Variants in TAT observed in about 807,000 individuals in gnomAD.
TAT encodes L-tyrosine:2-oxoglutarate aminotransferase.
A neutral mutation model predicts 53.6 loss-of-function variants in TAT; 35 were observed. The ratio of observed to expected loss-of-function variants is 0.65; its 90% CI spans 0.50 to 0.87. TAT has a LOEUF of 0.87. Ranked by LOEUF, TAT falls within the 40% of genes least tolerant of loss-of-function variation. The pLI, the probability that TAT is intolerant of heterozygous loss-of-function variation, is 0.00. For missense variants in TAT, 525 were observed against 571.8 expected (o/e 0.92, Z 0.83); for synonymous variants, 197 against 206.5 (o/e 0.95, Z 0.39).
Position 71,570,481 on chromosome 16 carries a change from A to G in TAT, c.913-84T>C, listed in dbSNP as rs1049674744. 5 of 1,611,106 alleles carry G rather than the reference A, an allele frequency of 3.1e-6. No homozygotes were observed. The African/African-American group carries it at 6.7e-5, about 22-fold the overall frequency. ...AGTTTCTTGTTCTGACCTTTCTATC[A>G]GGTTTTTAATCTTGGAAAGTGATGG... On this transcript the variant is annotated intron_variant, in intron 8 of 11. Coordinates refer to ENST00000355962, the MANE Select transcript of TAT (RefSeq NM_000353.3).
At chr16:71,568,391 G>T in intron 11 of TAT, 107 bp from the exon 12 acceptor site, 1 of 1,120,442 alleles carries the variant, frequency 8.9e-7, no homozygotes, top group Non-Finnish European at 1.3e-6. Flanking sequence ...TTTCATCAGG[G>T]CCATCAGTTC....
At chr16:71,569,304 T>C (rs1182325011) in intron 10 of TAT, among the ~76,000 whole-genome samples, 2 of 152,184 alleles carry the variant, frequency 1.3e-5, no homozygotes, top group East Asian at 3.8e-4. Context: ...TATCTACATA[T>C]ATAAAATGAT....
At chr16:71,572,842 A>T (rs1248612840) in intron 4 of TAT, among the ~76,000 whole-genome samples, 154 bp from the exon 5 acceptor site, 1 of 152,288 alleles carries the variant, frequency 6.6e-6, no homozygotes, top group East Asian at 1.9e-4. Context: ...AAAGAAATTT[A>T]TATATGTTGA....
At position 71,568,062 on chromosome 16, in the gene TAT, G is replaced by A; in HGVS notation, c.*82C>T. 1.3e-6 allele frequency: 2 copies of A among 1,576,602 alleles called. No homozygotes were observed. The highest frequency in any genetic ancestry group is 1.3e-5 in the African/African-American group (1 of 74,294). On this transcript the variant is annotated 3_prime_UTR_variant, in exon 12 of 12. Transcript: ENST00000355962. ...CATTTGAGGCCCCTCTCCCAGTAGG[G>A]CCACCTGAGTCCCTGAGGAGCCGCA...
Position 71,573,564 on chromosome 16 carries a change from C to T in TAT, c.383G>A (p.Cys128Tyr). Reference sequence around the variant, plus strand: ...CTTAGCTTCTAGGGGTGCCTCAGGACAGTGGTAATAAGAAGCAATCTCCTC... The same window carrying T: ...CTTAGCTTCTAGGGGTGCCTCAGGATAGTGGTAATAAGAAGCAATCTCCTC... Reference protein sequence around the residue: ...SREEIASYYHCPEAPLEAKDV... With the variant: ...SREEIASYYHYPEAPLEAKDV... The change falls in exon 4 of 12, where the codon TGT becomes TAT. Residue 128 changes from cysteine to tyrosine, a missense_variant. Physicochemically the swap from Cys to Tyr is radical, Grantham distance 194 (BLOSUM62 -2). Coordinates refer to ENST00000355962, the MANE Select transcript of TAT (RefSeq NM_000353.3). The T allele has an allele frequency of 6.4e-7, 1 of 1,555,204 alleles. No individual in the cohort carries two copies. Among genetic ancestry groups the T allele is most frequent in the South Asian group, 1.2e-5 (1 of 84,256 alleles).
chr16:71,575,856 T>C (rs751313566), intron 3 of TAT, 66 bp downstream of exon 3: 3 of 1,416,078 alleles, frequency 2.1e-6, no homozygotes, highest in South Asian at 1.1e-5. Context: ...GCTAGACATT[T>C]AGTCCTGTTA....
rs118203916 is a variant in TAT at position 71,568,260 on chromosome 16, G to A, written c.1249C>T (p.Arg417Ter). The A allele has an allele frequency of 1.2e-5, 20 of 1,614,010 alleles. No individual in the cohort carries two copies. The highest frequency in any genetic ancestry group is 1.5e-5 in the Non-Finnish European group (18 of 1,180,040). The part of the protein sequence containing the change: ...ATCFEYPNFI[R>*]VVITVPEVMM... ...ACCTCGGGGACTGTGATGACCACTC[G>A]GATGAAATTCGGGTACTCAAAGCAC... Residue 417 changes from arginine (R) to a stop codon, truncating the protein, a stop_gained, in exon 12 of 12, where the codon CGA (arginine) becomes TGA (stop). Transcript: ENST00000355962. LOFTEE classifies it high-confidence loss of function.
intron 1 of TAT, 59 bp from the exon 2 acceptor site, chr16:71,576,486 G>T: frequency 7.0e-7 from 1 of 1,428,972 alleles, no homozygotes; most frequent in South Asian, 1.2e-5. Flanking sequence ...GGACAGAGGA[G>T]CTACATTTGG....
Position 71,566,173 on chromosome 16 carries a change from G to A in TAT, c.*1971C>T, listed in dbSNP as rs1246432789. The A allele has an allele frequency of 6.6e-6, 1 of 152,122 alleles. No homozygotes were observed. Among genetic ancestry groups the A allele is most frequent in the Admixed American group, 6.5e-5 (1 of 15,274 alleles). The allele number at this position is 152,122 out of a possible 1,614,324, so 9.4% of individuals were successfully genotyped here. ...ATCTAATCTCATCCTTTGTATATTCGTCTTGGATTTGCTGAAGAAAATTAA... is the reference window on the plus strand; with the variant it reads ...ATCTAATCTCATCCTTTGTATATTCATCTTGGATTTGCTGAAGAAAATTAA... On this transcript the variant is annotated 3_prime_UTR_variant, in exon 12 of 12. Transcript: ENST00000355962.
chr16:71,568,569 C>A, intron 11 of TAT, 142 bp downstream of exon 11: 1 of 778,438 alleles, frequency 1.3e-6, no homozygotes, highest in Admixed American at 2.1e-5. Context: ...TAAATAGGAT[C>A]CATGAGACAC....
At chr16:71,571,798 A>ATCACACTTTGCTT in intron 6 of TAT, 140 bp from the exon 7 acceptor site, 1 of 865,450 alleles carries the variant, frequency 1.2e-6, no homozygotes, top group Non-Finnish European at 1.9e-6. Context: ...GCACAAGCAA[A>ATCACACTTTGCTT]GTGTGATTTG....
intron 3 of TAT, among the ~76,000 whole-genome samples, chr16:71,574,409 C>T (rs1597055217): frequency 1.3e-5 from 2 of 151,980 alleles, no homozygotes; most frequent in Middle Eastern, 6.9e-3. Context: ...GGAGAAATCT[C>T]ATCTCTACTA....
Position 71,573,693 on chromosome 16 carries a change from C to T in TAT, c.341-87G>A, listed in dbSNP as rs3764308. On this transcript the variant is annotated intron_variant, in intron 3 of 11. Coordinates refer to ENST00000355962, the MANE Select transcript of TAT (RefSeq NM_000353.3). ...CACCCGGACTTGGAGTGCAGTGACA[C>T]AGCCATAGCTCACTGCGGCCTCAAA... 3.7e-3 allele frequency: 4,340 copies of T among 1,174,532 alleles called. 144 individuals carry two copies. The East Asian group carries it at 0.06, about 16-fold the overall frequency. The allele number at this position is 1,174,532 out of a possible 1,614,324, so 72.8% of individuals were successfully genotyped here. A position where few individuals can be genotyped will look rare whatever the true frequency, so the allele number is the denominator to read the frequency against.
In TAT at chr16:71,576,307, T is replaced by C. The variant is rs2044234908; in HGVS notation, c.109A>G (p.Arg37Gly). The C allele has an allele frequency of 1.2e-6, 2 of 1,614,132 alleles. No individual in the cohort carries two copies. The highest frequency in any genetic ancestry group is 1.7e-6 in the Non-Finnish European group (2 of 1,180,054). Residue 37 changes from arginine (R) to glycine (G), a missense_variant, in exon 2 of 12, where the codon AGA becomes GGA. Coordinates refer to ENST00000355962, the MANE Select transcript of TAT (RefSeq NM_000353.3). ...RSSVPGKMKG[R>G]KARWSVRPSD... ...GGCCTCACAGACCACCTGGCCTTTCTGCCTTTCATTTTTCCCGGCACAGAG... is the reference window on the plus strand; with the variant it reads ...GGCCTCACAGACCACCTGGCCTTTCCGCCTTTCATTTTTCCCGGCACAGAG...
rs1201171473 is a variant in TAT at position 71,567,560 on chromosome 16, T to TC, written c.*583dup. 6.5e-6 allele frequency: 1 copy of TC among 152,772 alleles called. No homozygotes were observed. Among genetic ancestry groups the TC allele is most frequent in the Non-Finnish European group, 1.5e-5 (1 of 68,472 alleles). The allele number at this position is 152,772 out of a possible 1,614,324, so 9.5% of individuals were successfully genotyped here. On this transcript the variant is annotated 3_prime_UTR_variant, in exon 12 of 12. Transcript: ENST00000355962. ...TTTGCATCACAAAATAATTCTTTAC[T>TC]CCCCCCAAAAATCAATAAAAAGTTC... is the stretch of plus-strand genomic sequence containing the variant.
Position 71,569,931 on chromosome 16 carries a change from C to T in TAT, c.1048G>A (p.Ala350Thr). ...GCCAACGCCCCATAACAGAGATCAG[C>T]ATTGGACTACAAGAAGAGGCAAGGA... ...HNTLSFLKSN[A>T]DLCYGALAAI... Residue 350 changes from alanine (A) to threonine (T), a missense_variant, in exon 10 of 12, where the codon GCT (alanine) becomes ACT (threonine). Coordinates refer to ENST00000355962, the MANE Select transcript of TAT (RefSeq NM_000353.3). 1 of 1,613,344 alleles carries T rather than the reference C, an allele frequency of 6.2e-7. No homozygotes were observed. The highest frequency in any genetic ancestry group is 8.5e-7 in the Non-Finnish European group (1 of 1,179,724).
chr16:71,576,304 T>C lies in TAT; in HGVS notation c.112A>G (p.Lys38Glu). Residue 38 changes from lysine (K) to glutamate (E), a missense_variant, in exon 2 of 12, where the codon AAG (lysine) becomes GAG (glutamate). By Grantham distance (56) the Lys-to-Glu change is moderately conservative. Coordinates refer to ENST00000355962, the MANE Select transcript of TAT (RefSeq NM_000353.3). ...GAGGGCCTCACAGACCACCTGGCCT[T>C]TCTGCCTTTCATTTTTCCCGGCACA... ...SSVPGKMKGR[K>E]ARWSVRPSDM... The C allele has an allele frequency of 1.2e-6, 2 of 1,614,214 alleles. No homozygotes were observed. Among genetic ancestry groups the C allele is most frequent in the Non-Finnish European group, 1.7e-6 (2 of 1,180,036 alleles).
At chr16:71,572,753 T>G in intron 4 of TAT, 65 bp from the exon 5 acceptor site, 12 of 1,593,128 alleles carry the variant, frequency 7.5e-6, no homozygotes, top group Non-Finnish European at 1.0e-5. Flanking sequence ...AAAGAAGTTG[T>G]CAGGTGGGTG....
rs1226618579 is a variant in TAT at position 71,576,199 on chromosome 16, T to C, written c.217A>G (p.Met73Val). Residue 73 changes from methionine (M) to valine (V), a missense_variant, in exon 2 of 12, where the codon ATG (methionine) becomes GTG (valine). By Grantham distance (21) the Met-to-Val change is conservative. Coordinates refer to ENST00000355962, the MANE Select transcript of TAT (RefSeq NM_000353.3). ...AACTCACCAATGGACAGGGAAATCA[T>C]GGTTTTGTTTGGATTTGGTTTCACC... ...MKVKPNPNKT[M>V]ISLSIGDPTV... 3.1e-6 allele frequency: 5 copies of C among 1,613,960 alleles called. No individual in the cohort carries two copies. Among genetic ancestry groups the C allele is most frequent in the South Asian group, 1.1e-5 (1 of 91,078 alleles).
Sources: allele counts gnomAD v4.1 joint callset (sites outside exome capture counted in the v4.1 genomes callset), GRCh38; gene constraint gnomAD v4.1.1; transcripts MANE v1.5; gene names NCBI Gene and HGNC (gene_info 2026-07-23, HGNC 2026-07-21).